The following EIF2B3 variants were observed in gnomAD, a reference collection of about 807,000 sequenced individuals.
EIF2B3 encodes the protein translation initiation factor eIF2B subunit gamma.
In EIF2B3, 20 loss-of-function variants were observed where a neutral mutation model predicts 54.1. That is an observed-to-expected ratio of 0.37 (90% CI 0.26 to 0.54). EIF2B3 has a LOEUF of 0.54. EIF2B3 is among the 20% of genes least tolerant of loss of function. The pLI is 0.86. For synonymous variants in EIF2B3, 153 were observed against 188.1 expected (o/e 0.81, Z 1.52); for missense variants, 448 against 547.8 (o/e 0.82, Z 1.82).
intron 3 of EIF2B3, among the ~76,000 whole-genome samples, chr1:44,970,342 T>C (rs72676591): frequency 0.031 from 4,687 of 152,326 alleles, 126 homozygotes; most frequent in Non-Finnish European, 0.04. Context: ...TGTACTACTC[T>C]GGCCTTTGTC....
chr1:44,892,019 G>T (rs528897182), intron 6 of EIF2B3, among the ~76,000 whole-genome samples: 2 of 152,076 alleles, frequency 1.3e-5, no homozygotes, highest in South Asian at 4.1e-4. Context: ...GATTACAGGC[G>T]TGAGCTATTG....
At chr1:44,964,131 C>CAA (rs36124141) in intron 3 of EIF2B3, among the ~76,000 whole-genome samples, 7,575 of 131,642 alleles carry the variant, frequency 0.058, 458 homozygotes, top group African/African-American at 0.15. Context: ...ATTTCTTGGC[C>CAA]AAAAAAAAAA....
intron 3 of EIF2B3, among the ~76,000 whole-genome samples, chr1:44,969,272 A>C (rs1644377648): frequency 6.6e-6 from 1 of 152,228 alleles, no homozygotes; most frequent in African/African-American, 2.4e-5. Flanking sequence ...TAAATCAACA[A>C]AAACCTAGTT....
intron 4 of EIF2B3, among the ~76,000 whole-genome samples, chr1:44,931,989 G>A (rs1569764689): frequency 6.6e-6 from 1 of 152,102 alleles, no homozygotes; most frequent in Admixed American, 6.5e-5. Context: ...GCACATGCTG[G>A]TAATCCCAGC....
chr1:44,956,808 A>C (rs1644231028), intron 3 of EIF2B3, among the ~76,000 whole-genome samples: 1 of 152,212 alleles, frequency 6.6e-6, no homozygotes. Context: ...ACACAAGACA[A>C]ACATCAAATG....
chr1:44,913,109 TAAAAAAAAA>T (rs552977811), intron 5 of EIF2B3, among the ~76,000 whole-genome samples: 33 of 103,280 alleles, frequency 3.2e-4, no homozygotes, highest in African/African-American at 9.0e-4. Flanking sequence ...CGGTTTTTGT[TAAAAAAAAA>T]AAAAAAAAAA....
At chr1:44,978,218 G>A (rs113417808) in intron 3 of EIF2B3, 97 bp downstream of exon 3, 47 of 1,390,944 alleles carry the variant, frequency 3.4e-5, no homozygotes, top group East Asian at 1.6e-4. Context: ...GTGACAGAGC[G>A]AGGTTCTGTC....
chr1:44,978,234 A>G (rs1220301923), intron 3 of EIF2B3, 81 bp downstream of exon 3: 31 of 1,559,622 alleles, frequency 2.0e-5, no homozygotes, highest in Non-Finnish European at 2.4e-5. Flanking sequence ...CTGTCTCAAA[A>G]AAAAGACTAT....
At chr1:44,980,934 T>C (rs1644505132) in intron 2 of EIF2B3, 87 bp downstream of exon 2, 8 of 1,529,758 alleles carry the variant, frequency 5.2e-6, no homozygotes, top group African/African-American at 1.4e-5. Flanking sequence ...CTAGTCACCC[T>C]CTCTCATTCT....
At chr1:44,910,728 A>G (rs1467523990) in intron 5 of EIF2B3, among the ~76,000 whole-genome samples, 2 of 136,104 alleles carry the variant, frequency 1.5e-5, no homozygotes, top group African/African-American at 5.6e-5. Context: ...CAATCCTTCC[A>G]CCTCAGCCTC....
At position 44,960,778 on chromosome 1, in the gene EIF2B3, A is replaced by G. The variant is rs576760339; in HGVS notation, c.294+17537T>C. ...ATATGCAAATACCATGCCATTTTAT[A>G]AAAGCAACATGAGCATCCAAGGATT... On this transcript the variant is annotated intron_variant, in intron 3 of 11. Coordinates refer to ENST00000360403, the MANE Select transcript of EIF2B3 (RefSeq NM_020365.5). Among the ~76,000 whole-genome samples, 104 of 152,328 alleles carry G rather than the reference A, an allele frequency of 6.8e-4. No homozygotes were observed. The Middle Eastern group carries it at 0.024, about 35-fold the overall frequency.
At chr1:44,862,362 T>G (rs889433897) in intron 10 of EIF2B3, among the ~76,000 whole-genome samples, 4 of 152,120 alleles carry the variant, frequency 2.6e-5, no homozygotes, top group Admixed American at 2.6e-4. Context: ...CTGAAAACTG[T>G]AACGTTTCAG....
intron 3 of EIF2B3, among the ~76,000 whole-genome samples, chr1:44,947,299 C>T (rs951054703): frequency 6.6e-6 from 1 of 152,180 alleles, no homozygotes; most frequent in African/African-American, 2.4e-5. Context: ...GTGTCCAAAA[C>T]ACCCAGGAAT....
intron 1 of EIF2B3, among the ~76,000 whole-genome samples, chr1:44,981,390 G>T (rs1422033071): frequency 1.3e-5 from 2 of 152,100 alleles, no homozygotes; most frequent in Non-Finnish European, 2.9e-5. Context: ...GGTAAAAGTG[G>T]GAGGATAGGA....
At chr1:44,930,561 G>T (rs1414877418) in intron 4 of EIF2B3, among the ~76,000 whole-genome samples, 1 of 152,194 alleles carries the variant, frequency 6.6e-6, no homozygotes, top group Non-Finnish European at 1.5e-5. Context: ...TTGTAAACAA[G>T]CCTGGGCTAA....
intron 5 of EIF2B3, 24 bp from the exon 6 acceptor site, chr1:44,897,468 G>T (rs998211996): frequency 1.3e-6 from 2 of 1,554,166 alleles, no homozygotes; most frequent in Non-Finnish European, 8.8e-7. Flanking sequence ...AAAAATAAAA[G>T]AAAGAAAGAA....
intron 1 of EIF2B3, among the ~76,000 whole-genome samples, chr1:44,985,076 G>A (rs866050271): frequency 6.6e-6 from 1 of 151,978 alleles, no homozygotes; most frequent in African/African-American, 2.4e-5. Context: ...AAAGTGCTGG[G>A]ATTACAGGCG....
At chr1:44,852,791 A>C (rs1013286912) in intron 11 of EIF2B3, among the ~76,000 whole-genome samples, 5 of 152,042 alleles carry the variant, frequency 3.3e-5, no homozygotes, top group Admixed American at 6.6e-5. Flanking sequence ...AAAAAAAAAA[A>C]AAAAACAAAC....
intron 5 of EIF2B3, among the ~76,000 whole-genome samples, chr1:44,905,245 AG>A (rs1295758632): frequency 6.6e-6 from 1 of 152,200 alleles, no homozygotes; most frequent in Non-Finnish European, 1.5e-5. Context: ...CTCCAAAAAA[AG>A]CAGTTGTGTT....
Sources: allele counts gnomAD v4.1 joint callset (sites outside exome capture counted in the v4.1 genomes callset), GRCh38; gene constraint gnomAD v4.1.1; transcripts MANE v1.5; gene names NCBI Gene and HGNC (gene_info 2026-07-23, HGNC 2026-07-21).